The following ZNF385D variants were observed in gnomAD, a reference collection of about 807,000 sequenced individuals.
ZNF385D encodes the protein zinc finger protein 385D.
A neutral mutation model predicts 35.8 loss-of-function variants in ZNF385D; 15 were observed. That is an observed-to-expected ratio of 0.42 (90% confidence interval 0.28 to 0.64). The LOEUF is 0.64. ZNF385D is among the 30% of genes least tolerant of loss of function. ZNF385D has a pLI of 0.23. For missense variants in ZNF385D, 474 were observed against 494.6 expected (o/e 0.96, Z 0.39); for synonymous variants, 212 against 186.8 (o/e 1.13, Z -1.10).
intron 3 of ZNF385D, among the ~76,000 whole-genome samples, chr3:22,083,954 A>G (rs1700897002): frequency 6.6e-6 from 1 of 152,252 alleles, no homozygotes; most frequent in South Asian, 2.1e-4. Flanking sequence ...AAGAATTTTC[A>G]ACCCATAATT....
At chr3:21,706,807 TAATAGATGATAGATA>T (rs1197194893) in intron 1 of ZNF385D, among the ~76,000 whole-genome samples, 7 of 143,890 alleles carry the variant, frequency 4.9e-5, no homozygotes, top group Admixed American at 4.9e-4. Context: ...GACACAAAGA[TAATAGATGATAGATA>T]GATAGATAGA....
intron 3 of ZNF385D, among the ~76,000 whole-genome samples, chr3:21,982,894 T>C (rs1031162021): frequency 1.3e-5 from 2 of 152,100 alleles, no homozygotes; most frequent in Admixed American, 6.5e-5. Context: ...GAATCACATT[T>C]ATTGATTTGT....
intron 2 of ZNF385D, among the ~76,000 whole-genome samples, chr3:22,201,826 T>C (rs905095239): frequency 2.6e-5 from 4 of 151,522 alleles, no homozygotes; most frequent in African/African-American, 9.7e-5. Context: ...TATATATAAA[T>C]TTAATACTTT....
rs903900596 is a variant in ZNF385D at position 21,882,347 on chromosome 3, A to G, written c.326-217319T>C. ...TCAAGGCAAGACCTTCCACCAACGA[A>G]AAGATTATGACTACGTGGTGCTTCA... On this transcript the variant is annotated intron_variant, in intron 3 of 5. Coordinates refer to the ZNF385D transcript ENST00000494108. Among the ~76,000 whole-genome samples, 5 of 152,136 alleles carry G rather than the reference A, an allele frequency of 3.3e-5. No individual in the cohort carries two copies. The East Asian group carries it at 5.8e-4, about 18-fold the overall frequency.
At chr3:22,038,363 T>A (rs981170361) in intron 3 of ZNF385D, among the ~76,000 whole-genome samples, 1 of 152,186 alleles carries the variant, frequency 6.6e-6, no homozygotes, top group Non-Finnish European at 1.5e-5. Context: ...TTCTCACTTA[T>A]TATCAGCATG....
At chr3:21,492,337 G>T (rs563374285) in intron 4 of ZNF385D, among the ~76,000 whole-genome samples, 3 of 150,922 alleles carry the variant, frequency 2.0e-5, no homozygotes, top group South Asian at 4.2e-4. Flanking sequence ...ATGACAAAGT[G>T]CCCACAAATT....
intron 3 of ZNF385D, among the ~76,000 whole-genome samples, chr3:22,084,259 T>A (rs1385828736): frequency 3.9e-5 from 6 of 152,046 alleles, no homozygotes; most frequent in Non-Finnish European, 8.8e-5. Context: ...AAATGGGCTA[T>A]ATGCTCAATT....
At chr3:22,165,912 T>C (rs1706284710) in intron 3 of ZNF385D, among the ~76,000 whole-genome samples, 1 of 152,184 alleles carries the variant, frequency 6.6e-6, no homozygotes, top group Admixed American at 6.6e-5. Flanking sequence ...ATTCCTGCTC[T>C]TACATTCATA....
At chr3:22,000,252 T>A (rs949659368) in intron 3 of ZNF385D, among the ~76,000 whole-genome samples, 2 of 150,540 alleles carry the variant, frequency 1.3e-5, no homozygotes, top group Non-Finnish European at 3.0e-5. Context: ...TTGCAGTGAG[T>A]GGAGATCATG....
chr3:22,172,745 A>T (rs184487427), intron 2 of ZNF385D, among the ~76,000 whole-genome samples: 9 of 152,342 alleles, frequency 5.9e-5, no homozygotes, highest in Admixed American at 1.3e-4. Flanking sequence ...TAATACCTAA[A>T]GTATAAATTT....
rs183103529 is a variant in ZNF385D at position 21,924,518 on chromosome 3, T to C, written c.325+244299A>G. The stretch of plus-strand genomic sequence containing the variant: ...CCAGTGAAACACCCTCAAAAAATTG[T>C]GGCCCCAACACCATCCATGCCACAA... On this transcript the variant is annotated intron_variant, in intron 3 of 5. Transcript: ENST00000494108. Among the ~76,000 whole-genome samples, 8 of 152,318 alleles carry C rather than the reference T, an allele frequency of 5.3e-5. No individual in the cohort carries two copies. The East Asian group carries it at 1.5e-3, about 29-fold the overall frequency.
intron 1 of ZNF385D, among the ~76,000 whole-genome samples, chr3:21,744,863 AAT>A (rs2069688577): frequency 6.9e-6 from 1 of 144,184 alleles, no homozygotes; most frequent in Non-Finnish European, 1.6e-5. Flanking sequence ...AAATAAAAAA[AAT>A]AATAATAAAA....
At chr3:22,143,309 C>G (rs767091474) in intron 3 of ZNF385D, among the ~76,000 whole-genome samples, 3 of 152,070 alleles carry the variant, frequency 2.0e-5, no homozygotes, top group Non-Finnish European at 4.4e-5. Context: ...TGGTCTTGAT[C>G]GCCTGACCTC....
At chr3:21,518,939 G>A (rs959702168) in intron 3 of ZNF385D, among the ~76,000 whole-genome samples, 2 of 152,142 alleles carry the variant, frequency 1.3e-5, no homozygotes, top group Non-Finnish European at 2.9e-5. Context: ...TAGTTATCAT[G>A]TAAATAGAAG....
chr3:21,953,310 A>G (rs1702148596), intron 3 of ZNF385D, among the ~76,000 whole-genome samples: 1 of 151,452 alleles, frequency 6.6e-6, no homozygotes, highest in South Asian at 2.1e-4. Context: ...ATAGGTAATT[A>G]TTTAGTTTTT....
chr3:21,767,812 G>T (rs555610892), intron 3 of ZNF385D, among the ~76,000 whole-genome samples: 1 of 152,074 alleles, frequency 6.6e-6, no homozygotes, highest in Admixed American at 6.6e-5. Flanking sequence ...CGTTCTTTTG[G>T]AACGCTTTAG....
At chr3:22,062,035 ATTTAAT>A (rs1699713593) in intron 3 of ZNF385D, among the ~76,000 whole-genome samples, 1 of 152,108 alleles carries the variant, frequency 6.6e-6, no homozygotes, top group African/African-American at 2.4e-5. Context: ...TTATTGTTGC[ATTTAAT>A]TTTAATTTAT....
chr3:22,218,400 TAAC>T (rs1486785028), intron 2 of ZNF385D, among the ~76,000 whole-genome samples: 2 of 151,990 alleles, frequency 1.3e-5, no homozygotes, highest in African/African-American at 2.4e-5. Context: ...TTGTATTCTG[TAAC>T]ATCATAAATT....
chr3:21,983,524 A>C (rs1576081555), intron 3 of ZNF385D, among the ~76,000 whole-genome samples: 1 of 143,540 alleles, frequency 7.0e-6, no homozygotes, highest in Admixed American at 7.2e-5. Flanking sequence ...ATAGTATTCC[A>C]TGGTGTATAT....
Sources: gnomAD v4.1 joint callset for allele counts (sites outside exome capture counted in the v4.1 genomes callset) on GRCh38, gnomAD v4.1.1 for gene constraint, MANE v1.5 for transcripts, NCBI Gene and HGNC (gene_info 2026-07-23, HGNC 2026-07-21) for gene names.